Variants in PAQR5 observed in about 807,000 individuals in gnomAD.
The protein encoded by PAQR5 is membrane progestin receptor gamma.
In PAQR5, 20 loss-of-function variants were observed where a neutral mutation model predicts 34.5. That is an observed-to-expected ratio of 0.58 (90% CI 0.41 to 0.84). The LOEUF (loss-of-function observed/expected upper bound fraction) is 0.84. Ranked by LOEUF, PAQR5 falls within the 40% of genes least tolerant of loss-of-function variation. The pLI is 0.00. For missense variants in PAQR5, 378 were observed against 412.7 expected, an observed-to-expected ratio of 0.92 and a Z score of 0.73; for synonymous variants, 131 against 155.6, an observed-to-expected ratio of 0.84 and a Z score of 1.18.
At chr15:69,382,442 C>G (rs777131234) in intron 4 of PAQR5, among the ~76,000 whole-genome samples, 3 of 151,642 alleles carry the variant, frequency 2.0e-5, no homozygotes, top group Non-Finnish European at 4.4e-5. Context: ...GTCAGGAGAT[C>G]GAGACCATCC....
intron 1 of PAQR5, among the ~76,000 whole-genome samples, chr15:69,318,037 C>G (rs1206831802): frequency 1.3e-4 from 20 of 152,358 alleles, no homozygotes; most frequent in Non-Finnish European, 5.9e-5. Context: ...CGCCGAGCCA[C>G]CAGGCAGATC....
chr15:69,388,438 A>G (rs2056170185), intron 5 of PAQR5, among the ~76,000 whole-genome samples: 1 of 152,048 alleles, frequency 6.6e-6, no homozygotes. Context: ...CCTGCCCCAC[A>G]CTGGAACCTG....
intron 3 of PAQR5, among the ~76,000 whole-genome samples, chr15:69,363,717 T>A (rs2055309591): frequency 6.6e-6 from 1 of 151,894 alleles, no homozygotes; most frequent in African/African-American, 2.4e-5. Flanking sequence ...CATGCCCAGA[T>A]ACTTTTTGCA....
chr15:69,363,403 T>G (rs936810376), intron 3 of PAQR5, among the ~76,000 whole-genome samples: 4 of 152,104 alleles, frequency 2.6e-5, no homozygotes, highest in Non-Finnish European at 5.9e-5. Context: ...AATAATTATC[T>G]AGATGTTGAT....
chr15:69,377,885 T>A (rs2055752678), intron 3 of PAQR5, among the ~76,000 whole-genome samples: 1 of 152,110 alleles, frequency 6.6e-6, no homozygotes, highest in Non-Finnish European at 1.5e-5. Context: ...CCCGGCACTT[T>A]AGGAGGCCAA....
At chr15:69,314,984 T>A (rs2053914176) in intron 1 of PAQR5, among the ~76,000 whole-genome samples, 1 of 152,132 alleles carries the variant, frequency 6.6e-6, no homozygotes. Flanking sequence ...TGCCGGGCAC[T>A]CTATTAAATG....
chr15:69,299,292 C>T (rs998663873), intron 1 of PAQR5, among the ~76,000 whole-genome samples: 6 of 152,304 alleles, frequency 3.9e-5, no homozygotes, highest in African/African-American at 1.2e-4. Context: ...CGGCCGCCGC[C>T]GTGCAGAAGG....
intron 1 of PAQR5, among the ~76,000 whole-genome samples, chr15:69,315,888 C>A (rs755624658): frequency 6.6e-6 from 1 of 152,036 alleles, no homozygotes; most frequent in African/African-American, 2.4e-5. Flanking sequence ...AGTCTCATGC[C>A]GCTTCCTTCC....
In PAQR5 at chr15:69,405,218, A is replaced by G. The variant is rs2056736500; in HGVS notation, c.*1396A>G. On this transcript the variant is annotated 3_prime_UTR_variant, in exon 9 of 9. Transcript: ENST00000395407. ...AGAGGCCCATCAAACCCAGATCTGC[A>G]CTTGGTAATGACTTAGGGGGGCTTC... 1 of 378,396 alleles carries G rather than the reference A, an allele frequency of 2.6e-6. No individual in the cohort carries two copies. The highest frequency in any genetic ancestry group is 4.7e-6 in the Non-Finnish European group (1 of 213,792). The allele number at this position is 378,396 out of a possible 1,614,324, so 23.4% of individuals were successfully genotyped here.
At chr15:69,325,987 T>A (rs1025267599) in intron 1 of PAQR5, among the ~76,000 whole-genome samples, 2 of 152,194 alleles carry the variant, frequency 1.3e-5, no homozygotes, top group African/African-American at 2.4e-5. Context: ...AAGCCACTTT[T>A]CTCTCCCTCT....
chr15:69,361,998 GGA>G (rs2055247334), intron 3 of PAQR5, among the ~76,000 whole-genome samples: 1 of 152,008 alleles, frequency 6.6e-6, no homozygotes, highest in African/African-American at 2.4e-5. Flanking sequence ...AGAGGTTATG[GGA>G]GTCTGCTTAG....
At chr15:69,319,158 CATATATATATATAT>C (rs869082537) in intron 1 of PAQR5, among the ~76,000 whole-genome samples, 87 of 4,236 alleles carry the variant, frequency 0.021, 1 homozygote, top group Non-Finnish European at 0.028. Context: ...TAAATATATA[CATATATATATATAT>C]ATATATATAT....
intron 3 of PAQR5, among the ~76,000 whole-genome samples, chr15:69,362,041 G>C (rs1431710292): frequency 6.6e-6 from 1 of 152,088 alleles, no homozygotes; most frequent in Non-Finnish European, 1.5e-5. Flanking sequence ...GTCAGGGTTG[G>C]ATTCAGAGTA....
chr15:69,302,749 A>G (rs2053632149), intron 1 of PAQR5, among the ~76,000 whole-genome samples: 1 of 152,048 alleles, frequency 6.6e-6, no homozygotes, highest in South Asian at 2.1e-4. Flanking sequence ...TGAGAGACTG[A>G]CTGGGGCTCA....
In PAQR5 at chr15:69,392,568, T is replaced by C. The variant is rs374414228; in HGVS notation, c.512+2788T>C. Among the ~76,000 whole-genome samples, 3 of 152,304 alleles carry C rather than the reference T, an allele frequency of 2.0e-5. No individual in the cohort carries two copies. The East Asian group carries it at 5.8e-4, about 29-fold the overall frequency. On this transcript the variant is annotated intron_variant, in intron 6 of 8. Coordinates refer to ENST00000395407, the MANE Select transcript of PAQR5 (RefSeq NM_017705.4). ...ATACTCCAGGTACCACGTTAGGAGCTGAGGGTGCCAGAAGGATGCCCTTGC... is the reference window on the plus strand; with the variant it reads ...ATACTCCAGGTACCACGTTAGGAGCCGAGGGTGCCAGAAGGATGCCCTTGC...
At chr15:69,403,493 G>C (rs2056698424) in intron 8 of PAQR5, 88 bp from the exon 9 acceptor site, 1 of 1,273,382 alleles carries the variant, frequency 7.9e-7, no homozygotes, top group Non-Finnish European at 1.1e-6. Flanking sequence ...CTTTCACTTA[G>C]CATCATTTTT....
At chr15:69,370,804 A>C (rs1255078099) in intron 3 of PAQR5, among the ~76,000 whole-genome samples, 2 of 152,218 alleles carry the variant, frequency 1.3e-5, no homozygotes, top group Non-Finnish European at 2.9e-5. Flanking sequence ...TACAGGAGTG[A>C]ACCACTGTGC....
intron 3 of PAQR5, among the ~76,000 whole-genome samples, chr15:69,375,355 C>G (rs372457526): frequency 1.3e-5 from 2 of 151,994 alleles, no homozygotes; most frequent in African/African-American, 4.8e-5. Flanking sequence ...TAGGACCCAC[C>G]CTAATGGCCT....
At chr15:69,393,752 G>C (rs940494643) in intron 6 of PAQR5, among the ~76,000 whole-genome samples, 10 of 152,172 alleles carry the variant, frequency 6.6e-5, no homozygotes, top group African/African-American at 2.4e-4. Context: ...CCGAAAATCA[G>C]GGTTGAAATG....
Sources: allele counts gnomAD v4.1 joint callset (sites outside exome capture counted in the v4.1 genomes callset), GRCh38; gene constraint gnomAD v4.1.1; transcripts MANE v1.5; gene names NCBI Gene and HGNC (gene_info 2026-07-23, HGNC 2026-07-21).